Variants in NFKBIL1 observed in about 807,000 individuals in gnomAD.
The protein encoded by NFKBIL1 is NFKB inhibitor like 1.
Under a neutral mutation model 45.4 loss-of-function variants are expected in NFKBIL1, and 30 were observed. The observed-to-expected ratio is 0.66, with a 90% CI of 0.49 to 0.90. The LOEUF (loss-of-function observed/expected upper bound fraction) is 0.90. NFKBIL1 is among the 40% of genes least tolerant of loss of function. NFKBIL1 has a pLI of 0.00. For missense variants in NFKBIL1, 434 were observed against 513.4 expected, an observed-to-expected ratio of 0.85 and a Z score of 1.49; for synonymous variants, 179 against 197.3, an observed-to-expected ratio of 0.91 and a Z score of 0.78.
At chr6:31,548,588 C>G in intron 2 of NFKBIL1, 149 bp downstream of exon 2, 1 of 804,504 alleles carries the variant, frequency 1.2e-6, no homozygotes, top group South Asian at 2.7e-5. Context: ...TCATTTGTCC[C>G]TTTACATTAC....
intron 2 of NFKBIL1, 142 bp downstream of exon 2, chr6:31,548,581 T>G: frequency 1.1e-6 from 1 of 898,198 alleles, no homozygotes; most frequent in Non-Finnish European, 1.6e-6. Flanking sequence ...GTGGCTGTCA[T>G]TTGTCCCTTT....
At chr6:31,547,301 C>T (rs3219185), upstream of NFKBIL1, among the ~76,000 whole-genome samples, 1 of 151,544 alleles carries the variant, frequency 6.6e-6, no homozygotes, top group Non-Finnish European at 1.5e-5. Flanking sequence ...TTTTCTCTGT[C>T]TTCTCATCTT....
chr6:31,550,032 C>G (rs1769340668), intron 2 of NFKBIL1, among the ~76,000 whole-genome samples: 1 of 152,104 alleles, frequency 6.6e-6, no homozygotes, highest in South Asian at 2.1e-4. Flanking sequence ...AAACCCCCAT[C>G]TGTACTAAAA....
Position 31,558,450 on chromosome 6 carries a change from G to A in NFKBIL1, c.985G>A (p.Ala329Thr), listed in dbSNP as rs1457400677. Residue 329 changes from alanine (A) to threonine (T), a missense_variant, in exon 4 of 4, where the codon GCT becomes ACT. Around this residue, in one of 4 missense-constraint regions of NFKBIL1, gnomAD observed 52 missense variants for 95.9 expected, o/e 0.54. Transcript: ENST00000376148. The surrounding 1 kb of genome is among the most constrained non-coding windows in gnomAD (Gnocchi z 7.2). ...GGGCCCCCCTTTGGAGGAACAGGGG[G>A]CTCTGAGGAGGTACTTGAGGGTCCA... ...ARGPPLEEQG[A>T]LRRYLRVQQV... 3 of 1,551,068 alleles carry A rather than the reference G, an allele frequency of 1.9e-6. No individual in the cohort carries two copies. Among genetic ancestry groups the A allele is most frequent in the Admixed American group, 2.0e-5 (1 of 51,018 alleles).
intron 2 of NFKBIL1, among the ~76,000 whole-genome samples, chr6:31,552,526 A>G (rs958224602): frequency 4.6e-5 from 7 of 151,926 alleles, no homozygotes; most frequent in African/African-American, 9.7e-5. Context: ...TGACCTTGTG[A>G]TCTGCTCACC....
chr6:31,552,666 C>T (rs1191227856), intron 2 of NFKBIL1, among the ~76,000 whole-genome samples: 1 of 142,686 alleles, frequency 7.0e-6, no homozygotes, highest in Non-Finnish European at 1.5e-5. Context: ...TCTGGTAAAT[C>T]GCTATAAAGG....
chr6:31,551,823 G>A (rs1769443792), intron 2 of NFKBIL1, among the ~76,000 whole-genome samples: 1 of 151,856 alleles, frequency 6.6e-6, no homozygotes, highest in Non-Finnish European at 1.5e-5. Context: ...TTGAGACGGA[G>A]TCTCCCTCTG....
At chr6:31,547,986 A>AT (rs955696101) in intron 1 of NFKBIL1, among the ~76,000 whole-genome samples, 177 bp from the exon 2 acceptor site, 1 of 151,950 alleles carries the variant, frequency 6.6e-6, no homozygotes, top group African/African-American at 2.4e-5. Context: ...CTCAAAAAAA[A>AT]TTTTTTTTCA....
upstream of NFKBIL1, chr6:31,547,556 C>T: frequency 1.8e-6 from 1 of 551,240 alleles, no homozygotes. Flanking sequence ...CACTTCCGTC[C>T]TCCACCTGCG....
chr6:31,550,417 C>T (rs571963563), intron 2 of NFKBIL1, among the ~76,000 whole-genome samples: 1 of 141,734 alleles, frequency 7.1e-6, no homozygotes, highest in African/African-American at 2.6e-5. Context: ...GGTCAAAAAA[C>T]CCCCTATTTA....
upstream of NFKBIL1, chr6:31,547,538 T>C: frequency 1.4e-5 from 7 of 496,896 alleles, no homozygotes; most frequent in Non-Finnish European, 7.1e-6. Context: ...GTAACGCCCC[T>C]CACAGTTCAC....
intron 2 of NFKBIL1, among the ~76,000 whole-genome samples, chr6:31,556,959 A>G (rs899435438): frequency 1.3e-5 from 2 of 152,232 alleles, no homozygotes; most frequent in Non-Finnish European, 2.9e-5. Flanking sequence ...AGGGATTTAT[A>G]TAGTGACAAT....
Position 31,548,178 on chromosome 6 carries a change from G to T in NFKBIL1, c.73G>T (p.Ala25Ser). 1 of 1,613,130 alleles carries T rather than the reference G, an allele frequency of 6.2e-7. No individual in the cohort carries two copies. Among genetic ancestry groups the T allele is most frequent in the South Asian group, 1.1e-5 (1 of 91,088 alleles). ...CCTTCCCCAGCCCAAGAGTTCCATG[G>T]CCTCCACTTCCCGCCGCCAACGCCG... ...TSVCRPKSSM[A>S]STSRRQRRER... Residue 25 changes from alanine to serine, a missense_variant, in exon 2 of 4, where the codon GCC (alanine) becomes TCC (serine). Physicochemically the swap from Ala to Ser is moderately conservative, Grantham distance 99 (BLOSUM62 1). Around this residue, in one of 4 missense-constraint regions of NFKBIL1, gnomAD observed 231 missense variants for 264.1 expected, o/e 0.87. Coordinates refer to ENST00000376148, the MANE Select transcript of NFKBIL1 (RefSeq NM_005007.4).
At position 31,558,148 on chromosome 6, in the gene NFKBIL1, G is replaced by T. The variant is rs200245859; in HGVS notation, c.683G>T (p.Arg228Leu). The change falls in exon 4 of 4, where the codon CGT (arginine) becomes CTT (leucine). Residue 228 changes from arginine (R) to leucine (L), a missense_variant. Around this residue, in one of 4 missense-constraint regions of NFKBIL1, gnomAD observed 23 missense variants for 46.9 expected, o/e 0.49. Coordinates refer to ENST00000376148, the MANE Select transcript of NFKBIL1 (RefSeq NM_005007.4). This position sits in a 1 kb window ranked among gnomAD's most constrained non-coding sequence, Gnocchi z 7.2. ...GCAGAGGGATCCCGTCGACCCCCAC[G>T]TGCTGAGGGCTCCAGCCAGAGCTGG... ...REAEGSRRPPRAEGSSQSWRQ... is the reference protein window; with the variant it reads ...REAEGSRRPPLAEGSSQSWRQ... 6.2e-7 allele frequency: 1 copy of T among 1,611,646 alleles called. No individual in the cohort carries two copies. Among genetic ancestry groups the T allele is most frequent in the African/African-American group, 1.3e-5 (1 of 74,924 alleles).
At chr6:31,549,516 T>C (rs1413534098) in intron 2 of NFKBIL1, among the ~76,000 whole-genome samples, 1 of 150,274 alleles carries the variant, frequency 6.7e-6, no homozygotes, top group Non-Finnish European at 1.5e-5. Flanking sequence ...CCTCTCAAAG[T>C]GCTGGGATTA....
At chr6:31,553,039 C>CTT (rs9279345) in intron 2 of NFKBIL1, among the ~76,000 whole-genome samples, 1 of 125,018 alleles carries the variant, frequency 8.0e-6, no homozygotes, top group Admixed American at 8.2e-5. Flanking sequence ...GAAAGGTGAA[C>CTT]TTTTTTTTTT....
intron 2 of NFKBIL1, among the ~76,000 whole-genome samples, chr6:31,552,952 C>T (rs1583003622): frequency 6.6e-6 from 1 of 151,514 alleles, no homozygotes; most frequent in East Asian, 1.9e-4. Context: ...GATCCGCCCG[C>T]CTCGGCCTCC....
chr6:31,547,779 T>G, intron 1 of NFKBIL1, 28 bp downstream of exon 1: 1 of 1,556,690 alleles, frequency 6.4e-7, no homozygotes, highest in Non-Finnish European at 8.8e-7. Context: ...TCTAGATCAT[T>G]ATTGGAGATT....
chr6:31,557,511 C>A lies in NFKBIL1; in HGVS notation c.335-117C>A. 1.4e-6 allele frequency: 1 copy of A among 696,024 alleles called. No homozygotes were observed. The highest frequency in any genetic ancestry group is 2.2e-6 in the Non-Finnish European group (1 of 446,460). The allele number at this position is 696,024 out of a possible 1,614,324, so 43.1% of individuals were successfully genotyped here. A position where few individuals can be genotyped will look rare whatever the true frequency, so the allele number is the denominator to read the frequency against. ...AATACCCAGGAGGCATCCATGTGAG[C>A]CACCCTTCCATTGCTTTAAGACCAA... On this transcript the variant is annotated intron_variant, in intron 2 of 3. Coordinates refer to ENST00000376148, the MANE Select transcript of NFKBIL1 (RefSeq NM_005007.4). This position sits in a 1 kb window ranked among gnomAD's most constrained non-coding sequence, Gnocchi z 5.4.
Sources: gnomAD v4.1 joint callset for allele counts (sites outside exome capture counted in the v4.1 genomes callset) on GRCh38, gnomAD v4.1.1 for gene constraint, gnomAD v4.1.1 regional missense constraint, Gnocchi (gnomAD v3.1) non-coding constraint, MANE v1.5 for transcripts, NCBI Gene and HGNC (gene_info 2026-07-23, HGNC 2026-07-21) for gene names.